Variants in PCDH11X observed in about 807,000 individuals in gnomAD.
PCDH11X encodes protocadherin-11 X-linked.
A neutral mutation model predicts 53.3 loss-of-function variants in PCDH11X; 18 were observed. The ratio of observed to expected loss-of-function variants is 0.34; its 90% CI spans 0.23 to 0.50. The LOEUF (loss-of-function observed/expected upper bound fraction) is 0.50. Among genes scored for constraint, PCDH11X ranks in the 20% least tolerant of loss-of-function variants. PCDH11X has a pLI of 0.98. For missense variants in PCDH11X, 570 were observed against 1,032.4 expected (o/e 0.55, Z 6.14); for synonymous variants, 279 against 393.3 (o/e 0.71, Z 3.44).
intron 6 of PCDH11X, among the ~76,000 whole-genome samples, chrX:92,107,459 G>A (rs1452309443): frequency 8.9e-6 from 1 of 112,478 alleles, no homozygotes; most frequent in East Asian, 2.8e-4. Flanking sequence ...CCAAGAGGCT[G>A]GGTGTGGTGG....
At chrX:92,608,998 G>A (rs2148815006) in intron 10 of PCDH11X, among the ~76,000 whole-genome samples, 1 of 111,044 alleles carries the variant, frequency 9.0e-6, no homozygotes, top group Non-Finnish European at 1.9e-5. Context: ...AACCATACAC[G>A]ATGTAGACTG....
At chrX:91,969,047 T>C (rs2061907572) in intron 6 of PCDH11X, among the ~76,000 whole-genome samples, 1 of 111,077 alleles carries the variant, frequency 9.0e-6, no homozygotes, top group African/African-American at 3.3e-5. Context: ...CTTTTCCATT[T>C]GCATGATTAT....
At chrX:91,978,747 T>C (rs1252467228) in intron 6 of PCDH11X, among the ~76,000 whole-genome samples, 1 of 112,552 alleles carries the variant, frequency 8.9e-6, no homozygotes, top group Non-Finnish European at 1.9e-5. Flanking sequence ...GTTTTTGAGA[T>C]GGTGATAAAG....
At chrX:91,958,188 A>G (rs779935867) in intron 6 of PCDH11X, among the ~76,000 whole-genome samples, 1 of 111,663 alleles carries the variant, frequency 9.0e-6, no homozygotes, top group Admixed American at 9.5e-5. Flanking sequence ...AGGAATTCAG[A>G]CTCATCTCAG....
rs1170355493 is a variant in PCDH11X at position 92,221,055 on chromosome X, G to T, written c.3114+19600G>T. 1.6e-4 allele frequency among the ~76,000 whole-genome samples: 10 copies of T among 62,355 alleles called. No individual in the cohort carries two copies. In the South Asian group the frequency reaches 9.6e-3, roughly 60 times the overall value. 54.1% of individuals were successfully genotyped at this position (62,355 alleles called of 115,157 possible). Reference sequence around the variant, plus strand: ...CACACTCTGGGGACTGTTGTGGGGTGGGGGGAGGGGGGAGGGATAGCATTA... The same window carrying T: ...CACACTCTGGGGACTGTTGTGGGGTTGGGGGAGGGGGGAGGGATAGCATTA... On this transcript the variant is annotated intron_variant, in intron 7 of 10. Coordinates refer to ENST00000682573, the MANE Select transcript of PCDH11X (RefSeq NM_032968.5).
intron 10 of PCDH11X, among the ~76,000 whole-genome samples, chrX:92,558,025 T>A (rs2075072206): frequency 9.0e-6 from 1 of 111,223 alleles, no homozygotes; most frequent in African/African-American, 3.3e-5. Context: ...TTGTGAGAAC[T>A]CACTAACATG....
rs6618843 is a variant in PCDH11X, at chrX:92,073,264, G to A, written c.3034-128111G>A. 4.7e-4 allele frequency among the ~76,000 whole-genome samples: 53 copies of A among 112,211 alleles called. No homozygotes were observed. The East Asian group carries it at 0.014, about 30-fold the overall frequency. On this transcript the variant is annotated intron_variant, in intron 6 of 10. Coordinates refer to ENST00000682573, the MANE Select transcript of PCDH11X (RefSeq NM_032968.5). ...TTATGAAGTTAAAGCCGTGTACTAT[G>A]ATTGCTTACCTGATTTTTAGTTCTT...
At chrX:92,295,222 T>TA (rs2068581826) in intron 8 of PCDH11X, among the ~76,000 whole-genome samples, 1 of 111,040 alleles carries the variant, frequency 9.0e-6, no homozygotes, top group Non-Finnish European at 1.9e-5. Context: ...GAGAAAGCAT[T>TA]AAAATGATAT....
At chrX:92,082,386 G>A (rs1264962841) in intron 6 of PCDH11X, among the ~76,000 whole-genome samples, 2 of 109,934 alleles carry the variant, frequency 1.8e-5, no homozygotes, top group Non-Finnish European at 3.8e-5. Flanking sequence ...ATTGACATCT[G>A]AAATCATTTG....
intron 6 of PCDH11X, among the ~76,000 whole-genome samples, chrX:91,892,141 A>G (rs1940518781): frequency 9.3e-6 from 1 of 107,590 alleles, no homozygotes; most frequent in South Asian, 4.2e-4. Context: ...GAAGCATCCT[A>G]AAGTCAGCAA....
chrX:92,280,215 G>C lies in PCDH11X; in HGVS notation c.3144+17072G>C, dbSNP rs201866058. ...TGTGTAAGTATACTCTATGATTTTTGCACAATGAAGACATTGCCTAATGAT... is the reference window on the plus strand; with the variant it reads ...TGTGTAAGTATACTCTATGATTTTTCCACAATGAAGACATTGCCTAATGAT... On this transcript the variant is annotated intron_variant, in intron 8 of 10. Transcript: ENST00000682573. Among the ~76,000 whole-genome samples, 4 of 111,566 alleles carry C rather than the reference G, an allele frequency of 3.6e-5. No homozygotes were observed. The East Asian group carries it at 1.1e-3, about 32-fold the overall frequency.
At chrX:92,614,836 C>T (rs899222194) in intron 10 of PCDH11X, among the ~76,000 whole-genome samples, 15 of 111,787 alleles carry the variant, frequency 1.3e-4, no homozygotes, top group African/African-American at 3.3e-4. Context: ...GGTCGGAGAG[C>T]GAGTGCTCCA....
intron 6 of PCDH11X, among the ~76,000 whole-genome samples, chrX:92,065,275 G>A (rs2063590216): frequency 1.8e-5 from 2 of 108,204 alleles, no homozygotes; most frequent in South Asian, 8.0e-4. Flanking sequence ...CTAAATCTTG[G>A]CTATTGTGAA....
chrX:91,910,238 T>C (rs1044175603), intron 6 of PCDH11X, among the ~76,000 whole-genome samples: 27 of 106,183 alleles, frequency 2.5e-4, no homozygotes, highest in Non-Finnish European at 3.9e-4. Flanking sequence ...CATGATAAAA[T>C]TTTTCTTTAC....
chrX:92,419,723 AGGCTGGAGTGCAGT>A (rs1364335338), intron 9 of PCDH11X, among the ~76,000 whole-genome samples: 6 of 74,556 alleles, frequency 8.0e-5, no homozygotes, highest in Non-Finnish European at 1.1e-4. Context: ...TCTGTCGCCC[AGGCTGGAGTGCAGT>A]GGCACCATCT....
At chrX:91,815,395 G>A (rs1936420674) in intron 4 of PCDH11X, among the ~76,000 whole-genome samples, 1 of 111,515 alleles carries the variant, frequency 9.0e-6, no homozygotes, top group South Asian at 3.7e-4. Flanking sequence ...TGGTTTATCT[G>A]AAATCATCAA....
chrX:91,818,358 A>G (rs1281919786), intron 4 of PCDH11X, among the ~76,000 whole-genome samples: 2 of 105,698 alleles, frequency 1.9e-5, no homozygotes, highest in Non-Finnish European at 3.8e-5. Flanking sequence ...AATAACCGCA[A>G]ATGCATGAAG....
intron 9 of PCDH11X, among the ~76,000 whole-genome samples, chrX:92,397,771 A>G (rs1316809745): frequency 9.1e-6 from 1 of 110,453 alleles, no homozygotes; most frequent in Non-Finnish European, 1.9e-5. Context: ...TAAATCATGT[A>G]TTTGATTCAG....
At position 92,391,817 on chromosome X, in the gene PCDH11X, T is replaced by A. The variant is rs779764668; in HGVS notation, c.3343+3884T>A. Among the ~76,000 whole-genome samples the A allele has an allele frequency of 3.6e-5, 4 of 111,157 alleles. No homozygotes were observed. In the East Asian group the frequency reaches 1.1e-3, roughly 31 times the overall value. On this transcript the variant is annotated intron_variant, in intron 9 of 10. Transcript: ENST00000682573. ...CTACTGATCTGCTGGCATATTATAA[T>A]TTTCCAGCTTCATTGGAAGAGATAA...
Sources: allele counts gnomAD v4.1 joint callset (sites outside exome capture counted in the v4.1 genomes callset), GRCh38; gene constraint gnomAD v4.1.1; transcripts MANE v1.5; gene names NCBI Gene and HGNC (gene_info 2026-07-23, HGNC 2026-07-21).